The following GPHN variants were observed in gnomAD, a reference collection of about 807,000 sequenced individuals.
GPHN encodes gephyrin.
In GPHN, 17 loss-of-function variants were observed where a neutral mutation model predicts 95.5. The observed-to-expected ratio is 0.18, with a 90% CI of 0.12 to 0.27. The LOEUF is 0.27. Among genes scored for constraint, GPHN ranks in the 10% least tolerant of loss-of-function variants. The probability of loss-of-function intolerance (pLI) is 1.00; values close to 1 mark genes in which losing one functional copy is unlikely to be tolerated. For synonymous variants in GPHN, 320 were observed against 322.5 expected (o/e 0.99, Z 0.08); for missense variants, 660 against 978.1 (o/e 0.67, Z 4.34).
chr14:66,937,172 T>G (rs2067171415), intron 8 of GPHN, among the ~76,000 whole-genome samples: 1 of 151,978 alleles, frequency 6.6e-6, no homozygotes, highest in African/African-American at 2.4e-5. Flanking sequence ...CCCAGCTAAT[T>G]TTTGTATTTT....
chr14:67,729,278 G>A, the GPHN span: 2 of 1,606,014 alleles, frequency 1.2e-6, no homozygotes, highest in Non-Finnish European at 1.7e-6. Flanking sequence ...CTGCTCTGGC[G>A]GCTCTTCTCC....
chr14:67,045,022 G>C (rs1026807123), intron 10 of GPHN, among the ~76,000 whole-genome samples: 1 of 152,114 alleles, frequency 6.6e-6, no homozygotes, highest in South Asian at 2.1e-4. Flanking sequence ...TTCTGGACTT[G>C]GATGCCTAAT....
chr14:67,239,656 G>C, the GPHN span, among the ~76,000 whole-genome samples: 1 of 152,194 alleles, frequency 6.6e-6, no homozygotes, highest in Admixed American at 6.5e-5. Flanking sequence ...AGGTGTTCAA[G>C]ACCAGCTTGG....
chr14:67,527,811 C>T, the GPHN span, among the ~76,000 whole-genome samples: 9 of 152,288 alleles, frequency 5.9e-5, no homozygotes, highest in Non-Finnish European at 1.2e-4. Flanking sequence ...CCTCAGATTG[C>T]GGAGCAAAGT....
the GPHN span, among the ~76,000 whole-genome samples, chr14:67,457,965 C>G: frequency 6.6e-6 from 1 of 152,230 alleles, no homozygotes; most frequent in Admixed American, 6.5e-5. Flanking sequence ...GCCAAGTGTC[C>G]TTCTTAGCTG....
the GPHN span, among the ~76,000 whole-genome samples, chr14:67,532,670 T>G: frequency 3.3e-5 from 5 of 152,252 alleles, no homozygotes; most frequent in South Asian, 1.0e-3. Flanking sequence ...CTGGGCAACA[T>G]AGCGAGACCA....
the GPHN span, among the ~76,000 whole-genome samples, chr14:67,662,176 C>T: frequency 6.8e-6 from 1 of 146,912 alleles, no homozygotes; most frequent in South Asian, 2.2e-4. Context: ...ACAACAACAA[C>T]AACAAAAAAA....
intron 1 of GPHN, among the ~76,000 whole-genome samples, chr14:66,638,123 G>T (rs1197716335): frequency 6.6e-6 from 1 of 151,808 alleles, no homozygotes; most frequent in African/African-American, 2.4e-5. Context: ...GAAACATTTT[G>T]CTGTTCTATT....
intron 3 of GPHN, among the ~76,000 whole-genome samples, chr14:66,815,446 C>T (rs891750610): frequency 6.6e-6 from 1 of 152,154 alleles, no homozygotes; most frequent in East Asian, 1.9e-4. Context: ...AAGGGAAGCC[C>T]ATCCAACTAA....
At chr14:66,683,826 A>C (rs1051851794) in intron 2 of GPHN, among the ~76,000 whole-genome samples, 1 of 151,654 alleles carries the variant, frequency 6.6e-6, no homozygotes, top group Non-Finnish European at 1.5e-5. Context: ...AAGTACAAAA[A>C]ATTAGCCAGG....
chr14:66,772,914 C>T (rs9323484), intron 2 of GPHN, among the ~76,000 whole-genome samples: 48,428 of 151,898 alleles, frequency 0.32, 12,125 homozygotes, highest in African/African-American at 0.67. Context: ...TGAAGTTTAT[C>T]CTAGATATGA....
intron 3 of GPHN, among the ~76,000 whole-genome samples, chr14:66,804,033 A>G (rs916737438): frequency 3.3e-5 from 5 of 151,478 alleles, no homozygotes; most frequent in African/African-American, 1.2e-4. Flanking sequence ...TTTCCTCTCA[A>G]TTTTGGGTTC....
the GPHN span, among the ~76,000 whole-genome samples, chr14:67,504,036 C>T: frequency 3.5e-4 from 52 of 150,628 alleles, no homozygotes; most frequent in East Asian, 8.4e-3. Context: ...ATTTTTGAGA[C>T]AGGATCTCGC....
At chr14:66,601,622 GA>G (rs2062249325) in intron 1 of GPHN, among the ~76,000 whole-genome samples, 1 of 151,850 alleles carries the variant, frequency 6.6e-6, no homozygotes, top group South Asian at 2.1e-4. Flanking sequence ...AAGTCTTAAA[GA>G]TGAACAAGGC....
At chr14:66,700,728 T>C (rs557324761) in intron 2 of GPHN, among the ~76,000 whole-genome samples, 1 of 152,024 alleles carries the variant, frequency 6.6e-6, no homozygotes, top group East Asian at 1.9e-4. Flanking sequence ...ATCGAGACCA[T>C]CCTGGCCAAC....
rs141190421 is a variant in GPHN, at chr14:66,989,526, C to T, written c.963+24201C>T. On this transcript the variant is annotated intron_variant, in intron 9 of 22. Coordinates refer to ENST00000478722, the MANE Select transcript of GPHN (RefSeq NM_020806.5). The stretch of plus-strand genomic sequence containing the variant: ...CATTATTTAATTTCTTTTTTCAACA[C>T]CTGTACTACTATATAATGATTAATC... 3.1e-3 allele frequency among the ~76,000 whole-genome samples: 469 copies of T among 151,748 alleles called. 11 individuals are homozygous for T. The highest frequency in any genetic ancestry group is 0.011 in the African/African-American group (444 of 41,434).
chr14:67,070,836 G>C (rs1404592880), intron 11 of GPHN, among the ~76,000 whole-genome samples: 1 of 151,052 alleles, frequency 6.6e-6, no homozygotes, highest in East Asian at 1.9e-4. Context: ...TTGTTTAGGG[G>C]GGTTATTTTT....
intron 9 of GPHN, among the ~76,000 whole-genome samples, chr14:66,974,522 C>A (rs1403991063): frequency 6.6e-6 from 1 of 151,910 alleles, no homozygotes; most frequent in African/African-American, 2.4e-5. Context: ...TCTAAACTTG[C>A]AAATGAAATT....
intron 18 of GPHN, among the ~76,000 whole-genome samples, chr14:67,145,046 C>T (rs928621890): frequency 2.6e-5 from 4 of 152,210 alleles, no homozygotes; most frequent in Admixed American, 6.5e-5. Flanking sequence ...GAGATCTGCA[C>T]TGTAGTACAG....
Sources: allele counts gnomAD v4.1 joint callset (sites outside exome capture counted in the v4.1 genomes callset), GRCh38; gene constraint gnomAD v4.1.1; transcripts MANE v1.5; gene names NCBI Gene and HGNC (gene_info 2026-07-23, HGNC 2026-07-21).